TBC1D26: variants seen among roughly 807,000 people sequenced by gnomAD.
TBC1D26 encodes TBC1 domain family, member 26.
A neutral mutation model predicts 42.5 loss-of-function variants in TBC1D26; 19 were observed. That is an observed-to-expected ratio of 0.45 (90% confidence interval 0.31 to 0.66). The LOEUF is 0.66. Among genes scored for constraint, TBC1D26 ranks in the 30% least tolerant of loss-of-function variants. The pLI is 0.06. For missense variants in TBC1D26, 228 were observed against 332.6 expected, an observed-to-expected ratio of 0.69 and a Z score of 2.45; for synonymous variants, 97 against 123.5, an observed-to-expected ratio of 0.79 and a Z score of 1.42.
chr17:15,738,303 C>T lies in TBC1D26; in HGVS notation c.303C>T (p.Val101=), dbSNP rs1356778680. The T allele has an allele frequency of 6.2e-7, 1 of 1,613,674 alleles. No individual in the cohort carries two copies. The highest frequency in any genetic ancestry group is 1.7e-5 in the Admixed American group (1 of 59,998). Residue 101 remains valine, a synonymous_variant, in exon 7 of 15, where the codon GTC becomes GTT. Coordinates refer to ENST00000437605, the MANE Select transcript of TBC1D26 (RefSeq NM_001388465.1). ...AGCTGTCTCAAAGAGTATACAAAGT[C>T]ATTCCCCTGGCGGTACGGGGCCGGG... ...TKKLSQRVYK[V]IPLAVRGRAW...
rs955031034 is a variant in TBC1D26, at chr17:15,744,300, C to G, written c.1115C>G (p.Ala372Gly). Residue 372 changes from alanine to glycine, a missense_variant, in exon 15 of 15, where the codon GCT becomes GGT. Ala to Gly is a moderately conservative substitution (Grantham distance 60). Around this residue, in one of 5 missense-constraint regions of TBC1D26, gnomAD observed 130 missense variants for 168.5 expected, o/e 0.77. Coordinates refer to ENST00000437605, the MANE Select transcript of TBC1D26 (RefSeq NM_001388465.1). ...YTIAWGLQSK[A>G]GKDSCTSRAS... ...ATAGCCTGGGGCTTGCAATCCAAGG[C>G]TGGCAAGGATTCCTGCACGTCAAGG... is the stretch of plus-strand genomic sequence containing the variant. 1.3e-5 allele frequency: 2 copies of G among 152,232 alleles called. No individual in the cohort carries two copies. Among genetic ancestry groups the G allele is most frequent in the African/African-American group, 4.8e-5 (2 of 41,452 alleles). 9.4% of individuals were successfully genotyped at this position (152,232 alleles called of 1,614,324 possible).
At chr17:15,735,136 A>G in intron 2 of TBC1D26, 66 bp downstream of exon 2, 3 of 616,058 alleles carry the variant, frequency 4.9e-6, no homozygotes, top group Non-Finnish European at 8.6e-6. Context: ...GTGTGCTCAA[A>G]TCCTCAGGAA....
At chr17:15,735,763 G>C in intron 4 of TBC1D26, 84 bp downstream of exon 4, 1 of 546,570 alleles carries the variant, frequency 1.8e-6, no homozygotes, top group Non-Finnish European at 3.4e-6. Flanking sequence ...TCTGAAGCAG[G>C]ACATGTCTCC....
intron 4 of TBC1D26, among the ~76,000 whole-genome samples, chr17:15,736,805 G>A (rs1225374344): frequency 3.9e-5 from 6 of 152,284 alleles, no homozygotes; most frequent in Admixed American, 1.3e-4. Context: ...TGGCCAAGGC[G>A]TGGGTGTGGA....
At chr17:15,740,584 AG>A (rs1967750958) in intron 9 of TBC1D26, 2 of 1,096,984 alleles carry the variant, frequency 1.8e-6, no homozygotes, top group Non-Finnish European at 1.1e-6. Context: ...GCAGATAGGG[AG>A]GGGGGTCACC....
intron 8 of TBC1D26, among the ~76,000 whole-genome samples, chr17:15,739,369 T>C (rs1967709550): frequency 6.6e-6 from 1 of 152,164 alleles, no homozygotes; most frequent in Non-Finnish European, 1.5e-5. Flanking sequence ...AAAACTGACG[T>C]CCAAGTAAAA....
intron 1 of TBC1D26, among the ~76,000 whole-genome samples, chr17:15,732,728 C>T (rs1382573074): frequency 6.6e-6 from 1 of 152,132 alleles, no homozygotes; most frequent in African/African-American, 2.4e-5. Flanking sequence ...AGAGTCTGGC[C>T]CTGAAAGAGC....
At chr17:15,737,390 T>TG in intron 4 of TBC1D26, 94 bp from the exon 5 acceptor site, 1 of 1,435,630 alleles carries the variant, frequency 7.0e-7, no homozygotes, top group Non-Finnish European at 9.5e-7. Context: ...TTAGGGTGGA[T>TG]GGGGGTAGGC....
chr17:15,738,345 A>G lies in TBC1D26; in HGVS notation c.345A>G (p.Leu115=), dbSNP rs554614861. The G allele has an allele frequency of 2.6e-5, 42 of 1,613,698 alleles. 6 individuals are homozygous for G. In the East Asian group the frequency reaches 9.2e-4, roughly 35 times the overall value. The change falls in exon 7 of 15, where the codon CTA becomes CTG. Residue 115 remains leucine (L), a synonymous_variant. Coordinates refer to ENST00000437605, the MANE Select transcript of TBC1D26 (RefSeq NM_001388465.1). Reference sequence around the variant, plus strand: ...GGGGCCGGGCGTGGTCACTTTTGCTAGATATTGACAGAATCAAGTCCCAGA... The same window carrying G: ...GGGGCCGGGCGTGGTCACTTTTGCTGGATATTGACAGAATCAAGTCCCAGA... The part of the protein sequence containing the change: ...AVRGRAWSLL[L]DIDRIKSQNP...
chr17:15,735,222 A>T (rs537280194), intron 2 of TBC1D26, 126 bp from the exon 3 acceptor site: 2 of 1,079,638 alleles, frequency 1.9e-6, no homozygotes, highest in South Asian at 1.4e-5. Flanking sequence ...GGCCCCTGTC[A>T]TCTGGGAGGG....
At chr17:15,737,762 G>A in intron 5 of TBC1D26, 1 of 793,714 alleles carries the variant, frequency 1.3e-6, no homozygotes, top group Non-Finnish European at 2.0e-6. Flanking sequence ...CCCAGCTGAA[G>A]GCTGGACCTG....
rs371546891 is a variant in TBC1D26, at chr17:15,735,437, C to T, written c.75+14C>T. 76 of 1,609,964 alleles carry T rather than the reference C, an allele frequency of 4.7e-5. No individual in the cohort carries two copies. Among genetic ancestry groups the T allele is most frequent in the East Asian group, 6.7e-5 (3 of 44,788 alleles). ...AAGTATGAGCAGGTACAAGTTGGGC[C>T]GCTCCCTCAAGGGAAGCAGGGCCTC... On this transcript the variant is annotated intron_variant, in intron 3 of 14. Coordinates refer to ENST00000437605, the MANE Select transcript of TBC1D26 (RefSeq NM_001388465.1).
In TBC1D26 at chr17:15,732,304, A is replaced by G. The variant is rs1335389025; in HGVS notation, c.-223A>G. 7.1e-6 allele frequency: 1 copy of G among 140,868 alleles called. No individual in the cohort carries two copies. The highest frequency in any genetic ancestry group is 2.1e-4 in the East Asian group (1 of 4,836). 8.7% of individuals were successfully genotyped at this position (140,868 alleles called of 1,614,324 possible). A position where few individuals can be genotyped will look rare whatever the true frequency, so the allele number is the denominator to read the frequency against. ...TGCCGTCTCTATGTCTGGAGCTCTT[A>G]GAGATAAGACATAGAGGTGTCTGGT... On this transcript the variant is annotated 5_prime_UTR_variant, in exon 1 of 15. Transcript: ENST00000437605.
At chr17:15,740,709 G>T (rs1450616179) in intron 9 of TBC1D26, 1 of 1,083,152 alleles carries the variant, frequency 9.2e-7, no homozygotes, top group African/African-American at 1.7e-5. Context: ...CTTATGTCCG[G>T]CAGGCAGCCC....
chr17:15,743,590 C>A, intron 14 of TBC1D26, 74 bp downstream of exon 14: 1 of 514,600 alleles, frequency 1.9e-6, no homozygotes, highest in Non-Finnish European at 2.5e-6. Flanking sequence ...CGTGGCCCCG[C>A]CAGCCCTCCT....
chr17:15,733,434 C>T (rs1967530591), intron 1 of TBC1D26, among the ~76,000 whole-genome samples: 1 of 152,178 alleles, frequency 6.6e-6, no homozygotes, highest in Non-Finnish European at 1.5e-5. Flanking sequence ...TGAGTTCCCC[C>T]TAATGAGGGG....
intron 13 of TBC1D26, 77 bp from the exon 14 acceptor site, chr17:15,743,290 G>C: frequency 1.2e-6 from 1 of 801,078 alleles, no homozygotes; most frequent in Non-Finnish European, 1.5e-6. Context: ...AGTGGGAGGT[G>C]GGCCTGGTAG....
chr17:15,740,279 G>C (rs1003591080), intron 9 of TBC1D26, 131 bp downstream of exon 9: 1 of 1,604,496 alleles, frequency 6.2e-7, no homozygotes, highest in Admixed American at 1.7e-5. Context: ...CAGGACTTCA[G>C]CTCGCTGCTG....
At chr17:15,740,459 C>T (rs1967747788) in intron 9 of TBC1D26, 11 of 1,339,018 alleles carry the variant, frequency 8.2e-6, no homozygotes, top group Non-Finnish European at 1.1e-5. Context: ...TGCTGAGGTG[C>T]CTGATGGGCC....
Sources: allele counts gnomAD v4.1 joint callset (sites outside exome capture counted in the v4.1 genomes callset), GRCh38; gene constraint gnomAD v4.1.1; regional missense constraint gnomAD v4.1.1; transcripts MANE v1.5; gene names NCBI Gene and HGNC (gene_info 2026-07-23, HGNC 2026-07-21).